RYR2: variants seen among roughly 807,000 people sequenced by gnomAD.
RYR2 encodes cardiac muscle ryanodine receptor-calcium release channel.
RYR2 carries 227 observed loss-of-function variants against 601.1 expected under a neutral mutation model. That is an observed-to-expected ratio of 0.38 (90% CI 0.34 to 0.42). The LOEUF is 0.42. Ranked by LOEUF, RYR2 falls within the 10% of genes least tolerant of loss-of-function variation. The pLI is 1.00. For missense variants in RYR2, 4,646 were observed against 6,156.5 expected, an observed-to-expected ratio of 0.75 and a Z score of 8.21; for synonymous variants, 2,223 against 2,175.1, an observed-to-expected ratio of 1.02 and a Z score of -0.61.
intron 1 of RYR2, among the ~76,000 whole-genome samples, chr1:237,087,371 C>T (rs186012728): frequency 3.9e-4 from 59 of 152,244 alleles, no homozygotes; most frequent in Admixed American, 7.2e-4. Flanking sequence ...TCCTCCTCCT[C>T]CTTCTTTGTT....
At position 237,573,777 on chromosome 1, in the gene RYR2, A is replaced by G. The variant is rs149051884; in HGVS notation, c.3598+4458A>G. The stretch of plus-strand genomic sequence containing the variant: ...CAGTGAGCTGAGATCACGCCACCTC[A>G]CTCCAGCCTGGTGACAGAGGAGTGA... On this transcript the variant is annotated intron_variant, in intron 29 of 104. Transcript: ENST00000366574. 1.7e-3 allele frequency among the ~76,000 whole-genome samples: 259 copies of G among 151,660 alleles called. 1 individual carries two copies. The highest frequency in any genetic ancestry group is 6.1e-3 in the African/African-American group (253 of 41,402).
At chr1:237,830,879 A>G (rs1012577478) in intron 103 of RYR2, among the ~76,000 whole-genome samples, 1 of 152,118 alleles carries the variant, frequency 6.6e-6, no homozygotes, top group Non-Finnish European at 1.5e-5. Context: ...AGGGAGGAGC[A>G]GGGCCTCTGT....
At chr1:237,400,160 A>G (rs1178004160) in intron 10 of RYR2, among the ~76,000 whole-genome samples, 7 of 152,232 alleles carry the variant, frequency 4.6e-5, no homozygotes. Flanking sequence ...AACTCTTACT[A>G]TAGAGGAAAC....
At chr1:237,638,919 T>C in intron 45 of RYR2, 96 bp from the exon 46 acceptor site, 1 of 1,392,586 alleles carries the variant, frequency 7.2e-7, no homozygotes, top group Non-Finnish European at 9.9e-7. Flanking sequence ...GGGTTTTAGT[T>C]ATTCTTATAC....
At chr1:237,487,128 A>G (rs1014970180) in intron 17 of RYR2, among the ~76,000 whole-genome samples, 3 of 152,164 alleles carry the variant, frequency 2.0e-5, no homozygotes, top group African/African-American at 7.2e-5. Flanking sequence ...GAATCTAACC[A>G]TAAGCTTCAC....
chr1:237,259,400 C>G (rs1688295627), intron 1 of RYR2, among the ~76,000 whole-genome samples: 1 of 151,902 alleles, frequency 6.6e-6, no homozygotes, highest in African/African-American at 2.4e-5. Context: ...CTCAGCTACT[C>G]AGGAGGCTGA....
chr1:237,450,868 T>G (rs2150195039), intron 14 of RYR2, among the ~76,000 whole-genome samples: 1 of 152,322 alleles, frequency 6.6e-6, no homozygotes, highest in Non-Finnish European at 1.5e-5. Flanking sequence ...TTAACTGACC[T>G]TAATCATGTA....
Position 237,640,924 on chromosome 1 carries a change from T to C in RYR2, c.7143T>C (p.Thr2381=), listed in dbSNP as rs556205184. The part of the protein sequence containing the change: ...TLDTEEEEDD[T]IHMGNAIMTF... The stretch of plus-strand genomic sequence containing the variant: ...ACACAGAGGAGGAGGAAGATGACAC[T>C]ATCCACATGGGGAACGCGATCATGA... The change falls in exon 47 of 105, where the codon ACT becomes ACC. Residue 2381 remains threonine, a synonymous_variant. Transcript: ENST00000366574. The C allele has an allele frequency of 6.2e-7, 1 of 1,613,592 alleles. No homozygotes were observed. The highest frequency in any genetic ancestry group is 1.7e-5 in the Admixed American group (1 of 59,992).
chr1:237,250,207 G>A lies in RYR2; in HGVS notation c.49-20290G>A, dbSNP rs562220177. Among the ~76,000 whole-genome samples, 8 of 152,238 alleles carry A rather than the reference G, an allele frequency of 5.3e-5. No individual in the cohort carries two copies. In the East Asian group the frequency reaches 7.7e-4, roughly 15 times the overall value. ...TCCCAGCGTGGCTCTTGCCTTCCAC[G>A]CACTGCCCTGGCATCCTGATCTTTT... On this transcript the variant is annotated intron_variant, in intron 1 of 104. Coordinates refer to ENST00000366574, the MANE Select transcript of RYR2 (RefSeq NM_001035.3).
chr1:237,739,522 C>A (rs1302205539), intron 79 of RYR2, among the ~76,000 whole-genome samples: 3 of 152,200 alleles, frequency 2.0e-5, no homozygotes, highest in East Asian at 1.9e-4. Context: ...AAACACTCAA[C>A]AATGTTGCTG....
At position 237,786,003 on chromosome 1, in the gene RYR2, A is replaced by G; in HGVS notation, c.13295A>G (p.Lys4432Arg). 1 of 1,592,680 alleles carries G rather than the reference A, an allele frequency of 6.3e-7. No homozygotes were observed. The highest frequency in any genetic ancestry group is 8.6e-7 in the Non-Finnish European group (1 of 1,168,344). Residue 4432 changes from lysine (K) to arginine (R), a missense_variant, in exon 91 of 105, where the codon AAA (lysine) becomes AGA (arginine). Coordinates refer to ENST00000366574, the MANE Select transcript of RYR2 (RefSeq NM_001035.3). ...QKAKEEEKEEKEETKSEPEKA... is the reference protein window; with the variant it reads ...QKAKEEEKEEREETKSEPEKA... ...GCAAAAGAAGAAGAAAAGGAAGAAA[A>G]AGAAGAAACCAAATCTGAACCTGAA...
intron 16 of RYR2, among the ~76,000 whole-genome samples, chr1:237,467,328 G>A (rs1660192018): frequency 6.6e-6 from 1 of 151,496 alleles, no homozygotes; most frequent in South Asian, 2.1e-4. Context: ...AAACAAAAGG[G>A]ACTCTTAAAA....
intron 1 of RYR2, among the ~76,000 whole-genome samples, chr1:237,063,509 C>T (rs544711361): frequency 2.6e-5 from 4 of 151,950 alleles, no homozygotes; most frequent in African/African-American, 4.8e-5. Flanking sequence ...TCTGGAAATG[C>T]GAGTCTGTTT....
intron 1 of RYR2, among the ~76,000 whole-genome samples, chr1:237,242,260 A>G (rs1320715649): frequency 6.6e-6 from 1 of 151,244 alleles, no homozygotes; most frequent in Non-Finnish European, 1.5e-5. Context: ...CATGTGAAAA[A>G]TCCTCAGAGA....
intron 1 of RYR2, among the ~76,000 whole-genome samples, chr1:237,188,524 G>T (rs1384672438): frequency 6.6e-6 from 1 of 152,138 alleles, no homozygotes; most frequent in Non-Finnish European, 1.5e-5. Flanking sequence ...TGAGCTCAGT[G>T]CCTGGCAGTT....
At chr1:237,499,835 G>A (rs1664445273) in intron 20 of RYR2, among the ~76,000 whole-genome samples, 3 of 152,226 alleles carry the variant, frequency 2.0e-5, no homozygotes, top group Admixed American at 2.0e-4. Context: ...TTATGTTTAT[G>A]AGCATGTGTG....
chr1:237,543,114 C>T (rs1266092679), intron 25 of RYR2, among the ~76,000 whole-genome samples: 1 of 152,138 alleles, frequency 6.6e-6, no homozygotes, highest in Non-Finnish European at 1.5e-5. Context: ...TTTGTCTCTG[C>T]ATTGAATATT....
intron 91 of RYR2, among the ~76,000 whole-genome samples, chr1:237,786,396 C>T (rs1036198689): frequency 1.1e-4 from 17 of 152,194 alleles, no homozygotes; most frequent in Non-Finnish European, 2.2e-4. Context: ...CTGTCCTTTC[C>T]AAGAAGGGAG....
intron 1 of RYR2, among the ~76,000 whole-genome samples, chr1:237,252,139 A>G (rs1687525603): frequency 6.7e-6 from 1 of 148,674 alleles, no homozygotes; most frequent in African/African-American, 2.5e-5. Flanking sequence ...TCTGCTTGCA[A>G]CTCTCTGTGG....
Sources: allele counts gnomAD v4.1 joint callset (sites outside exome capture counted in the v4.1 genomes callset), GRCh38; gene constraint gnomAD v4.1.1; transcripts MANE v1.5; gene names NCBI Gene and HGNC (gene_info 2026-07-23, HGNC 2026-07-21).